The following OVOL2 variants were observed in gnomAD, a reference collection of about 807,000 sequenced individuals.
OVOL2 encodes transcription factor Ovo-like 2.
Under a neutral mutation model 18.1 loss-of-function variants are expected in OVOL2, and 13 were observed. The ratio of observed to expected loss-of-function variants is 0.72; its 90% CI spans 0.47 to 1.14. The LOEUF is 1.14. Ranked by LOEUF, OVOL2 falls within the 50% of genes most tolerant of loss-of-function variation. The probability of loss-of-function intolerance (pLI) is 0.00; values close to 1 mark genes in which losing one functional copy is unlikely to be tolerated. For synonymous variants in OVOL2, 166 were observed against 162.7 expected (o/e 1.02, Z -0.16); for missense variants, 335 against 383.0 (o/e 0.87, Z 1.05).
intron 3 of OVOL2, among the ~76,000 whole-genome samples, chr20:18,026,332 C>G (rs906467441): frequency 8.6e-5 from 13 of 152,032 alleles, no homozygotes; most frequent in African/African-American, 3.1e-4. Context: ...AATCTTAACT[C>G]ACTTCTCCTA....
chr20:18,051,640 G>A (rs189536446), intron 2 of OVOL2, among the ~76,000 whole-genome samples: 34 of 152,092 alleles, frequency 2.2e-4, no homozygotes, highest in Non-Finnish European at 5.9e-5. Flanking sequence ...AACTTTTTGT[G>A]GTGACAGAAA....
At chr20:18,028,838 C>A (rs1040333821) in intron 3 of OVOL2, among the ~76,000 whole-genome samples, 3 of 151,822 alleles carry the variant, frequency 2.0e-5, no homozygotes, top group Admixed American at 6.6e-5. Context: ...CAAAAGGTTA[C>A]TATTAATAGT....
At position 18,024,543 on chromosome 20, in the gene OVOL2, T is replaced by C. The variant is rs1362954318; in HGVS notation, c.*93A>G. The C allele has an allele frequency of 3.4e-6, 5 of 1,462,184 alleles. No homozygotes were observed. Among genetic ancestry groups the C allele is most frequent in the Non-Finnish European group, 4.5e-6 (5 of 1,105,194 alleles). The allele number at this position is 1,462,184 out of a possible 1,614,324, so 90.6% of individuals were successfully genotyped here. On this transcript the variant is annotated 3_prime_UTR_variant, in exon 4 of 4. Transcript: ENST00000278780. ...CAGAGGTGAACTGGTCACTTCTAATTAAGAAGAGCCAGTGGGGTGGGGGAA... is the reference window on the plus strand; with the variant it reads ...CAGAGGTGAACTGGTCACTTCTAATCAAGAAGAGCCAGTGGGGTGGGGGAA...
Position 18,056,638 on chromosome 20 carries a change from G to C in OVOL2, c.321+19C>G. The C allele has an allele frequency of 7.2e-7, 1 of 1,391,704 alleles. No homozygotes were observed. The highest frequency in any genetic ancestry group is 3.0e-5 in the East Asian group (1 of 32,794). The allele number at this position is 1,391,704 out of a possible 1,614,324, so 86.2% of individuals were successfully genotyped here. A position where few individuals can be genotyped will look rare whatever the true frequency, so the allele number is the denominator to read the frequency against. On this transcript the variant is annotated intron_variant, in intron 2 of 3. Coordinates refer to ENST00000278780, the MANE Select transcript of OVOL2 (RefSeq NM_021220.4). The surrounding 1 kb of genome is among the most constrained non-coding windows in gnomAD (Gnocchi z 4.2). ...AGGGCGTGGTGCAGGTGGCGGCGGG[G>C]GCAGAGTCGACACAGTACCTTGATT...
intron 3 of OVOL2, among the ~76,000 whole-genome samples, chr20:18,037,135 C>CAAAATAAAAAAA (rs2036622749): frequency 1.4e-5 from 1 of 73,434 alleles, no homozygotes; most frequent in African/African-American, 4.6e-5. Context: ...GACTCCGTCT[C>CAAAATAAAAAAA]AAAAAAAAAA....
rs1212989528 is a variant in OVOL2 at position 18,057,781 on chromosome 20, C to T, written c.-147G>A. On this transcript the variant is annotated 5_prime_UTR_variant, in exon 1 of 4. Coordinates refer to ENST00000278780, the MANE Select transcript of OVOL2 (RefSeq NM_021220.4). This position sits in a 1 kb window ranked among gnomAD's most constrained non-coding sequence, Gnocchi z 6.3. Reference sequence around the variant, plus strand: ...TCTTCCTCCACCCCCCGCCGCGGCGCGGCCCAGGCCTCTCCCCCGCACGCC... The same window carrying T: ...TCTTCCTCCACCCCCCGCCGCGGCGTGGCCCAGGCCTCTCCCCCGCACGCC... The T allele has an allele frequency of 1.3e-5, 18 of 1,386,034 alleles. No individual in the cohort carries two copies. Among genetic ancestry groups the T allele is most frequent in the Non-Finnish European group, 7.4e-6 (8 of 1,077,210 alleles). 85.9% of individuals were successfully genotyped at this position (1,386,034 alleles called of 1,614,324 possible).
At position 18,057,786 on chromosome 20, in the gene OVOL2, C is replaced by A; in HGVS notation, c.-152G>T. 2 of 1,391,042 alleles carry A rather than the reference C, an allele frequency of 1.4e-6. No individual in the cohort carries two copies. The highest frequency in any genetic ancestry group is 1.6e-5 in the South Asian group (1 of 62,192). 86.2% of individuals were successfully genotyped at this position (1,391,042 alleles called of 1,614,324 possible). On this transcript the variant is annotated 5_prime_UTR_variant, in exon 1 of 4. Coordinates refer to ENST00000278780, the MANE Select transcript of OVOL2 (RefSeq NM_021220.4). This position sits in a 1 kb window ranked among gnomAD's most constrained non-coding sequence, Gnocchi z 6.3. ...CTCCACCCCCCGCCGCGGCGCGGCCCAGGCCTCTCCCCCGCACGCCTGGCG... is the reference window on the plus strand; with the variant it reads ...CTCCACCCCCCGCCGCGGCGCGGCCAAGGCCTCTCCCCCGCACGCCTGGCG...
chr20:18,056,744 C>T lies in OVOL2; in HGVS notation c.234G>A (p.Glu78=), dbSNP rs1222364185. 1.3e-6 allele frequency: 2 copies of T among 1,490,850 alleles called. No individual in the cohort carries two copies. Among genetic ancestry groups the T allele is most frequent in the Middle Eastern group, 1.8e-4 (1 of 5,550 alleles). The allele number at this position is 1,490,850 out of a possible 1,614,324, so 92.4% of individuals were successfully genotyped here. Residue 78 remains glutamate (E), a synonymous_variant, in exon 2 of 4, where the codon GAG becomes GAA. Transcript: ENST00000278780. The surrounding 1 kb of genome is among the most constrained non-coding windows in gnomAD (Gnocchi z 4.2). The stretch of plus-strand genomic sequence containing the variant: ...CGTCGCCGGGCTCGGGGGTTTCGCT[C>T]TCGGGGGCGTGCGGGGACGAGCTGC... ...AESSSSPHAP[E]SETPEPGDAE...
chr20:18,032,773 C>T (rs990156610), intron 3 of OVOL2, among the ~76,000 whole-genome samples: 5 of 151,978 alleles, frequency 3.3e-5, no homozygotes, highest in African/African-American at 7.3e-5. Flanking sequence ...TCCCAAAGTG[C>T]GGGGATTACA....
At chr20:18,052,449 A>G (rs1483305474) in intron 2 of OVOL2, among the ~76,000 whole-genome samples, 2 of 152,222 alleles carry the variant, frequency 1.3e-5, no homozygotes, top group Middle Eastern at 3.2e-3. Context: ...TTTATGGTTG[A>G]AATGGTATGA....
Position 18,057,013 on chromosome 20 carries a change from G to A in OVOL2, c.101-136C>T. On this transcript the variant is annotated intron_variant, in intron 1 of 3. Transcript: ENST00000278780. This position sits in a 1 kb window ranked among gnomAD's most constrained non-coding sequence, Gnocchi z 6.3. ...CCTCGCCAAGTGGGCAACGTCGCGG[G>A]GGAGGCCAGTAAGCCCCGAATCGGC... 1 of 1,023,660 alleles carries A rather than the reference G, an allele frequency of 9.8e-7. No individual in the cohort carries two copies. The highest frequency in any genetic ancestry group is 2.1e-5 in the South Asian group (1 of 48,038). 63.4% of individuals were successfully genotyped at this position (1,023,660 alleles called of 1,614,324 possible).
chr20:18,026,499 A>G (rs2036517832), intron 3 of OVOL2, among the ~76,000 whole-genome samples: 1 of 150,804 alleles, frequency 6.6e-6, no homozygotes, highest in Non-Finnish European at 1.5e-5. Flanking sequence ...CTCCTGCCTC[A>G]GCCTCCCGAG....
intron 3 of OVOL2, among the ~76,000 whole-genome samples, chr20:18,032,810 A>G (rs1359181397): frequency 6.6e-6 from 1 of 152,140 alleles, no homozygotes; most frequent in Non-Finnish European, 1.5e-5. Context: ...CCTAGCTCCA[A>G]GATATATATT....
chr20:18,053,704 A>T (rs934337350), intron 2 of OVOL2, among the ~76,000 whole-genome samples: 1 of 74,862 alleles, frequency 1.3e-5, no homozygotes, highest in Middle Eastern at 6.8e-3. Flanking sequence ...TCTGTCTCAA[A>T]AAAAAAAAAA....
intron 3 of OVOL2, among the ~76,000 whole-genome samples, chr20:18,025,387 G>A (rs1316648427): frequency 6.6e-6 from 1 of 152,078 alleles, no homozygotes; most frequent in Non-Finnish European, 1.5e-5. Flanking sequence ...GGCCAACATG[G>A]TGAAACCCCG....
At position 18,041,555 on chromosome 20, in the gene OVOL2, T is replaced by G; in HGVS notation, c.490A>C (p.Arg164=). 6.2e-7 allele frequency: 1 copy of G among 1,613,490 alleles called. No individual in the cohort carries two copies. Among genetic ancestry groups the G allele is most frequent in the Non-Finnish European group, 8.5e-7 (1 of 1,179,498 alleles). ...TCACCTGTGTGTGTGCGGACGTGCC[T>G]CTTCAGGTCGAAGGTGTCGTTGAAG... ...KGFNDTFDLK[R]HVRTHTGIRP... is the part of the protein sequence containing the mutation. The change falls in exon 3 of 4, where the codon AGG becomes CGG. Residue 164 remains arginine, a synonymous_variant. Transcript: ENST00000278780.
In OVOL2 at chr20:18,057,707, C is replaced by T. The variant is rs888204686; in HGVS notation, c.-73G>A. 1 of 1,474,038 alleles carries T rather than the reference C, an allele frequency of 6.8e-7. No individual in the cohort carries two copies. Among genetic ancestry groups the T allele is most frequent in the Non-Finnish European group, 9.0e-7 (1 of 1,113,756 alleles). 91.3% of individuals were successfully genotyped at this position (1,474,038 alleles called of 1,614,324 possible). The stretch of plus-strand genomic sequence containing the variant: ...CCGCTAGGGGCAACGGCGGCGGCTC[C>T]GTCCCCGGCTCCCGGCGGCCAGAGC... On this transcript the variant is annotated 5_prime_UTR_variant, in exon 1 of 4. Coordinates refer to ENST00000278780, the MANE Select transcript of OVOL2 (RefSeq NM_021220.4). This position sits in a 1 kb window ranked among gnomAD's most constrained non-coding sequence, Gnocchi z 6.3.
chr20:18,052,861 A>C (rs941953853), intron 2 of OVOL2, among the ~76,000 whole-genome samples: 1 of 152,178 alleles, frequency 6.6e-6, no homozygotes, highest in Non-Finnish European at 1.5e-5. Flanking sequence ...AGAGTTACTT[A>C]CTTTCTAATA....
At position 18,034,651 on chromosome 20, in the gene OVOL2, T is replaced by TCTCTCTCA. The variant is rs773350112; in HGVS notation, c.511+6882_511+6883insTGAGAGAG. Among the ~76,000 whole-genome samples, 642 of 145,672 alleles carry TCTCTCTCA rather than the reference T, an allele frequency of 4.4e-3. 8 individuals carry two copies. Among genetic ancestry groups the TCTCTCTCA allele is most frequent in the African/African-American group, 0.015 (587 of 38,318 alleles). ...TTCTCTCTCTCTCTCTCTCTCTCTC[T>TCTCTCTCA]CACACACACACACACACACACCCCT... On this transcript the variant is annotated intron_variant, in intron 3 of 3. Coordinates refer to ENST00000278780, the MANE Select transcript of OVOL2 (RefSeq NM_021220.4).
Sources: gnomAD v4.1 joint callset for allele counts (sites outside exome capture counted in the v4.1 genomes callset) on GRCh38, gnomAD v4.1.1 for gene constraint, Gnocchi (gnomAD v3.1) non-coding constraint, MANE v1.5 for transcripts, NCBI Gene and HGNC (gene_info 2026-07-23, HGNC 2026-07-21) for gene names.